PRPF18: variants seen among roughly 807,000 people sequenced by gnomAD.
PRPF18 encodes the protein pre-mRNA-splicing factor 18.
PRPF18 carries 38 observed loss-of-function variants against 46.5 expected under a neutral mutation model. That is an observed-to-expected ratio of 0.82 (90% CI 0.63 to 1.07). The LOEUF is 1.07. PRPF18 is among the 50% of genes least tolerant of loss of function. The pLI is 0.00. For synonymous variants in PRPF18, 152 were observed against 146.7 expected, an observed-to-expected ratio of 1.04 and a Z score of -0.26; for missense variants, 263 against 410.0, an observed-to-expected ratio of 0.64 and a Z score of 3.10.
chr10:13,590,842 A>C (rs80331679), intron 1 of PRPF18, among the ~76,000 whole-genome samples: 2,066 of 152,276 alleles, frequency 0.014, 48 homozygotes, highest in African/African-American at 0.046. Context: ...TCAGAGCCTG[A>C]TCTGTTAACC....
At chr10:13,616,040 A>C (rs576600629) in intron 8 of PRPF18, among the ~76,000 whole-genome samples, 47 of 152,334 alleles carry the variant, frequency 3.1e-4, no homozygotes, top group Middle Eastern at 3.4e-3. Flanking sequence ...GACTGGGTCT[A>C]AAGGAGACCA....
Position 13,605,160 on chromosome 10 carries a change from A to G in PRPF18, c.250-471A>G, listed in dbSNP as rs2080165177. Among the ~76,000 whole-genome samples the G allele has an allele frequency of 2.6e-5, 4 of 152,350 alleles. No individual in the cohort carries two copies. The South Asian group carries it at 8.3e-4, about 32-fold the overall frequency. On this transcript the variant is annotated intron_variant, in intron 3 of 9. Transcript: ENST00000378572. ...TTGTTTAGCTTAATTGAAATGATCT[A>G]AAATATTTGAAGGATTTTATACTTT...
chr10:13,618,921 T>C (rs1449289877), intron 9 of PRPF18, among the ~76,000 whole-genome samples: 1 of 152,208 alleles, frequency 6.6e-6, no homozygotes, highest in Non-Finnish European at 1.5e-5. Context: ...CAGCGGTCCC[T>C]GACATCTTTG....
At chr10:13,623,774 G>A (rs1024613368) in intron 9 of PRPF18, among the ~76,000 whole-genome samples, 3 of 151,956 alleles carry the variant, frequency 2.0e-5, no homozygotes, top group African/African-American at 7.3e-5. Context: ...TTGTTTTAAT[G>A]GTTTATTGAT....
chr10:13,638,467 T>A, the PRPF18 span, among the ~76,000 whole-genome samples: 1 of 152,054 alleles, frequency 6.6e-6, no homozygotes, highest in Non-Finnish European at 1.5e-5. Context: ...GAAACAGTTA[T>A]GGAGGCTAAG....
At chr10:13,608,519 A>AT (rs1239118481) in intron 4 of PRPF18, among the ~76,000 whole-genome samples, 1 of 152,016 alleles carries the variant, frequency 6.6e-6, no homozygotes, top group Admixed American at 6.6e-5. Context: ...TGTAATGATC[A>AT]TTTTTCCTTT....
At chr10:13,640,445 A>G in the PRPF18 span, 2 of 152,332 alleles carry the variant, frequency 1.3e-5, no homozygotes, top group South Asian at 4.1e-4. Flanking sequence ...ATTTTTCACT[A>G]GCTTTCCTCA....
chr10:13,600,445 C>A, intron 3 of PRPF18, 97 bp downstream of exon 3: 1 of 840,526 alleles, frequency 1.2e-6, no homozygotes, highest in Non-Finnish European at 1.7e-6. Context: ...TTATTTCCTG[C>A]GTAAAATGAC....
chr10:13,636,596 A>G, the PRPF18 span, among the ~76,000 whole-genome samples: 1 of 152,196 alleles, frequency 6.6e-6, no homozygotes, highest in Admixed American at 6.5e-5. Context: ...TCTTATTGGC[A>G]GTATAACATA....
intron 1 of PRPF18, among the ~76,000 whole-genome samples, chr10:13,589,723 G>C (rs1012776306): frequency 2.0e-5 from 3 of 152,282 alleles, no homozygotes; most frequent in Admixed American, 2.0e-4. Context: ...TTAGATATTT[G>C]GATGTTGTGT....
At chr10:13,645,442 C>G in the PRPF18 span, 1 of 152,508 alleles carries the variant, frequency 6.6e-6, no homozygotes, top group Admixed American at 6.6e-5. Flanking sequence ...TTGAATAACC[C>G]AACTAAAGTC....
intron 1 of PRPF18, among the ~76,000 whole-genome samples, chr10:13,588,437 TGTG>T (rs1375871320): frequency 2.7e-5 from 4 of 148,878 alleles, no homozygotes; most frequent in East Asian, 4.0e-4. Flanking sequence ...TCTAGCCAGG[TGTG>T]GTGGTGCGCG....
At position 13,630,494 on chromosome 10, in the gene PRPF18, G is replaced by T; in HGVS notation, c.*154G>T. On this transcript the variant is annotated 3_prime_UTR_variant, in exon 10 of 10. Transcript: ENST00000378572. Reference sequence around the variant, plus strand: ...ACTCTTGATTGGTTTTAAGAACTTTGTTGGCCTTCATTTCATATCTGACTG... The same window carrying T: ...ACTCTTGATTGGTTTTAAGAACTTTTTTGGCCTTCATTTCATATCTGACTG... The T allele has an allele frequency of 2.0e-6, 1 of 492,522 alleles. No homozygotes were observed. The highest frequency in any genetic ancestry group is 3.9e-5 in the Admixed American group (1 of 25,908). 30.5% of individuals were successfully genotyped at this position (492,522 alleles called of 1,614,324 possible).
Position 13,610,101 on chromosome 10 carries a change from C to T in PRPF18, c.426C>T (p.Ile142=), listed in dbSNP as rs745528761. 18 of 1,613,652 alleles carry T rather than the reference C, an allele frequency of 1.1e-5. No homozygotes were observed. The highest frequency in any genetic ancestry group is 1.4e-5 in the Non-Finnish European group (17 of 1,179,586). The change falls in exon 5 of 10, where the codon ATC becomes ATT. Residue 142 remains isoleucine, a synonymous_variant. Transcript: ENST00000378572. ...TTGATCAGCAGTACCTCAATGAAAT[C>T]GTCGGCGGTCAGGAGCCTGGAGAGG... is the stretch of plus-strand genomic sequence containing the variant. ...DKIDQQYLNE[I]VGGQEPGEED... is the part of the protein sequence containing the mutation.
downstream of PRPF18, among the ~76,000 whole-genome samples, chr10:13,633,883 A>G (rs2080612105): frequency 6.6e-6 from 1 of 152,236 alleles, no homozygotes; most frequent in Non-Finnish European, 1.5e-5. Flanking sequence ...CGCAAGAGCC[A>G]GCGCCAGTCC....
chr10:13,612,622 CTTT>C (rs61113168), intron 6 of PRPF18, among the ~76,000 whole-genome samples: 2 of 76,130 alleles, frequency 2.6e-5, no homozygotes, highest in Non-Finnish European at 2.4e-5. Flanking sequence ...AGGGTTCTAG[CTTT>C]TTTTTTTTTT....
intron 4 of PRPF18, among the ~76,000 whole-genome samples, chr10:13,608,669 T>C (rs2080225999): frequency 6.6e-6 from 1 of 152,256 alleles, no homozygotes; most frequent in Non-Finnish European, 1.5e-5. Context: ...CATGTGCCTA[T>C]GAGTAAACCT....
chr10:13,634,291 T>C (rs2080615850), downstream of PRPF18, among the ~76,000 whole-genome samples: 1 of 152,222 alleles, frequency 6.6e-6, no homozygotes, highest in Admixed American at 6.5e-5. Flanking sequence ...CTGTTGAGTC[T>C]CTTCTTCCCT....
Position 13,611,511 on chromosome 10 carries a change from A to G in PRPF18, c.511-104A>G, listed in dbSNP as rs546527828. 1.1e-5 allele frequency: 9 copies of G among 849,474 alleles called. No homozygotes were observed. The South Asian group carries it at 1.4e-4, about 13-fold the overall frequency. 52.6% of individuals were successfully genotyped at this position (849,474 alleles called of 1,614,324 possible). ...CATCCGATTTTTAAGTAAAAATTGAACAGCATATGTGACCAAGAGCCATGT... is the reference window on the plus strand; with the variant it reads ...CATCCGATTTTTAAGTAAAAATTGAGCAGCATATGTGACCAAGAGCCATGT... On this transcript the variant is annotated intron_variant, in intron 5 of 9. Coordinates refer to ENST00000378572, the MANE Select transcript of PRPF18 (RefSeq NM_003675.4).
Sources: allele counts gnomAD v4.1 joint callset (sites outside exome capture counted in the v4.1 genomes callset), GRCh38; gene constraint gnomAD v4.1.1; transcripts MANE v1.5; gene names NCBI Gene and HGNC (gene_info 2026-07-23, HGNC 2026-07-21).